Variants in FAF1 observed in about 807,000 individuals in gnomAD.
FAF1 encodes the protein Fas associated factor 1, also known as FAS-associated factor 1.
FAF1 carries 25 observed loss-of-function variants against 92.5 expected under a neutral mutation model. That is an observed-to-expected ratio of 0.27 (90% CI 0.20 to 0.38). The LOEUF (loss-of-function observed/expected upper bound fraction) is 0.38. Among genes scored for constraint, FAF1 ranks in the 10% least tolerant of loss-of-function variants. The pLI, the probability that FAF1 is intolerant of heterozygous loss-of-function variation, is 1.00. For synonymous variants in FAF1, 234 were observed against 273.2 expected (o/e 0.86, Z 1.42); for missense variants, 636 against 793.3 (o/e 0.80, Z 2.38).
chr1:50,481,257 T>C (rs1385988403), intron 17 of FAF1, among the ~76,000 whole-genome samples: 1 of 152,214 alleles, frequency 6.6e-6, no homozygotes, highest in African/African-American at 2.4e-5. Context: ...TCCGCTGTAA[T>C]GTAATGTCCT....
chr1:50,651,541 A>C (rs1654865946), intron 8 of FAF1, among the ~76,000 whole-genome samples: 1 of 152,188 alleles, frequency 6.6e-6, no homozygotes, highest in Non-Finnish European at 1.5e-5. Context: ...GTACAAAATG[A>C]CCTCACTTTT....
At chr1:50,676,809 G>A (rs1408799758) in intron 7 of FAF1, among the ~76,000 whole-genome samples, 1 of 152,084 alleles carries the variant, frequency 6.6e-6, no homozygotes, top group Non-Finnish European at 1.5e-5. Context: ...GCAAAAGAGC[G>A]AGACTCCATC....
chr1:50,777,997 G>A (rs560379943), intron 4 of FAF1, among the ~76,000 whole-genome samples: 35 of 152,274 alleles, frequency 2.3e-4, no homozygotes, highest in African/African-American at 8.4e-4. Flanking sequence ...CCAAAAACAT[G>A]TACAAGAATG....
chr1:50,854,800 GT>G (rs1433207541), intron 2 of FAF1, among the ~76,000 whole-genome samples: 1 of 151,622 alleles, frequency 6.6e-6, no homozygotes, highest in African/African-American at 2.4e-5. Flanking sequence ...TGCAATCACC[GT>G]TTTTTTAGGA....
At chr1:50,867,029 G>C (rs1368333318) in intron 1 of FAF1, among the ~76,000 whole-genome samples, 2 of 151,944 alleles carry the variant, frequency 1.3e-5, no homozygotes, top group Non-Finnish European at 2.9e-5. Context: ...CAGAAATAAA[G>C]CCAAATACTT....
At chr1:50,593,138 T>C (rs966929466) in intron 9 of FAF1, among the ~76,000 whole-genome samples, 4 of 152,158 alleles carry the variant, frequency 2.6e-5, no homozygotes, top group African/African-American at 7.2e-5. Flanking sequence ...AATAATAAGA[T>C]ATTATTATTC....
intron 4 of FAF1, among the ~76,000 whole-genome samples, chr1:50,767,999 T>G (rs1660641862): frequency 6.6e-6 from 1 of 151,844 alleles, no homozygotes; most frequent in Admixed American, 6.6e-5. Flanking sequence ...AGGCACAGAG[T>G]GGCAAGTTAG....
chr1:50,902,775 G>A (rs748254372), intron 1 of FAF1, among the ~76,000 whole-genome samples: 42 of 152,164 alleles, frequency 2.8e-4, no homozygotes, highest in Admixed American at 4.6e-4. Context: ...TAAATGATAT[G>A]TAAGTAGCTG....
At chr1:50,531,678 A>G (rs1648178155) in intron 15 of FAF1, among the ~76,000 whole-genome samples, 1 of 152,110 alleles carries the variant, frequency 6.6e-6, no homozygotes, top group Admixed American at 6.6e-5. Context: ...GAAAATGTCT[A>G]AGAGAGAAAG....
intron 4 of FAF1, among the ~76,000 whole-genome samples, chr1:50,766,815 A>G (rs1660593384): frequency 7.2e-6 from 1 of 139,568 alleles, no homozygotes; most frequent in Non-Finnish European, 1.6e-5. Flanking sequence ...AAAAAAAACC[A>G]CACATCCAAA....
rs1446655541 is a variant in FAF1 at position 50,437,506 on chromosome 1, T to C, written c.*3934A>G. On this transcript the variant is annotated 3_prime_UTR_variant, in exon 19 of 19. Coordinates refer to ENST00000396153, the MANE Select transcript of FAF1 (RefSeq NM_007051.3). ...CTCAAGTGATCACTTTGCCTCAGCCTCAACAGTAGCTGGGACTACAGGCAA... is the reference window on the plus strand; with the variant it reads ...CTCAAGTGATCACTTTGCCTCAGCCCCAACAGTAGCTGGGACTACAGGCAA... The C allele has an allele frequency of 6.6e-6, 1 of 151,994 alleles. No individual in the cohort carries two copies. The highest frequency in any genetic ancestry group is 1.5e-5 in the Non-Finnish European group (1 of 68,012). 9.4% of individuals were successfully genotyped at this position (151,994 alleles called of 1,614,324 possible). A position where few individuals can be genotyped will look rare whatever the true frequency, so the allele number is the denominator to read the frequency against.
rs539209754 is a variant in FAF1 at position 50,535,649 on chromosome 1, AC to A, written c.1406-193del. ...TATGTTCAATAAGAAATAGTAGTAT[AC>A]TGGCAGTTGAAATTTCGGAAGTTAT... On this transcript the variant is annotated intron_variant, in intron 14 of 18. Transcript: ENST00000396153. Among the ~76,000 whole-genome samples the A allele has an allele frequency of 5.5e-3, 841 of 152,348 alleles. 6 individuals are homozygous for A. The highest frequency in any genetic ancestry group is 9.7e-3 in the South Asian group (47 of 4,832).
At chr1:50,890,793 C>G (rs1280970252) in intron 1 of FAF1, among the ~76,000 whole-genome samples, 1 of 152,166 alleles carries the variant, frequency 6.6e-6, no homozygotes, top group Non-Finnish European at 1.5e-5. Flanking sequence ...CTGCCCTTAA[C>G]ATTTTTTCCT....
intron 7 of FAF1, among the ~76,000 whole-genome samples, chr1:50,673,256 CAA>C (rs1387262409): frequency 2.5e-5 from 3 of 118,418 alleles, no homozygotes. Flanking sequence ...GACTCTGTCT[CAA>C]AAAAAAAAAA....
chr1:50,517,623 T>C (rs1485949607), intron 15 of FAF1, among the ~76,000 whole-genome samples: 1 of 152,212 alleles, frequency 6.6e-6, no homozygotes, highest in Non-Finnish European at 1.5e-5. Context: ...GTGATACTAG[T>C]AGTCACTGTA....
chr1:50,709,923 T>C (rs931496356), intron 6 of FAF1, among the ~76,000 whole-genome samples: 9 of 152,136 alleles, frequency 5.9e-5, no homozygotes, highest in African/African-American at 2.2e-4. Context: ...TAAGTAGATA[T>C]GGAGGATGAT....
chr1:50,795,341 C>CA (rs1661710857), intron 3 of FAF1, among the ~76,000 whole-genome samples: 1 of 152,200 alleles, frequency 6.6e-6, no homozygotes, highest in African/African-American at 2.4e-5. Flanking sequence ...ATGCATCTGT[C>CA]AGGACCACCA....
intron 2 of FAF1, among the ~76,000 whole-genome samples, chr1:50,841,716 A>G (rs1386887566): frequency 1.3e-5 from 2 of 152,086 alleles, no homozygotes; most frequent in African/African-American, 4.8e-5. Flanking sequence ...ATGGCAAGAA[A>G]TGAAGATAAT....
chr1:50,959,366 C>T (rs1645296898), intron 1 of FAF1, among the ~76,000 whole-genome samples: 2 of 152,106 alleles, frequency 1.3e-5, no homozygotes, highest in Non-Finnish European at 2.9e-5. Context: ...TACACCACGC[C>T]CATAACACCA....
Sources: gnomAD v4.1 joint callset for allele counts (sites outside exome capture counted in the v4.1 genomes callset) on GRCh38, gnomAD v4.1.1 for gene constraint, MANE v1.5 for transcripts, NCBI Gene and HGNC (gene_info 2026-07-23, HGNC 2026-07-21) for gene names.